AP3S1: variants seen among roughly 807,000 people sequenced by gnomAD.
AP3S1 encodes the protein AP-3 complex subunit sigma-1.
AP3S1 carries 12 observed loss-of-function variants against 21.3 expected under a neutral mutation model. The ratio of observed to expected loss-of-function variants is 0.56; its 90% CI spans 0.36 to 0.91. The LOEUF (loss-of-function observed/expected upper bound fraction) is 0.91. Ranked by LOEUF, AP3S1 falls within the 40% of genes least tolerant of loss-of-function variation. The pLI is 0.01. For missense variants in AP3S1, 116 were observed against 225.0 expected, an observed-to-expected ratio of 0.52 and a Z score of 3.10; for synonymous variants, 48 against 78.4, an observed-to-expected ratio of 0.61 and a Z score of 2.05.
chr5:115,906,294 G>T (rs1420809823), intron 5 of AP3S1, among the ~76,000 whole-genome samples: 2 of 152,024 alleles, frequency 1.3e-5, no homozygotes, highest in Non-Finnish European at 2.9e-5. Flanking sequence ...ATCAGTCTGG[G>T]TATAATTGAG....
At chr5:115,879,277 G>A (rs1331838582) in intron 3 of AP3S1, among the ~76,000 whole-genome samples, 2 of 152,176 alleles carry the variant, frequency 1.3e-5, no homozygotes, top group African/African-American at 4.8e-5. Flanking sequence ...TCTTGTGCCA[G>A]TTTTCAAAGG....
intron 3 of AP3S1, among the ~76,000 whole-genome samples, chr5:115,880,269 T>C (rs1749155927): frequency 6.6e-6 from 1 of 152,216 alleles, no homozygotes; most frequent in Non-Finnish European, 1.5e-5. Context: ...CTTGCTTCTC[T>C]AGTTCTTTTA....
At chr5:115,850,936 G>A (rs1762396243) in intron 1 of AP3S1, among the ~76,000 whole-genome samples, 1 of 152,180 alleles carries the variant, frequency 6.6e-6, no homozygotes, top group African/African-American at 2.4e-5. Flanking sequence ...TAAGTTGTCT[G>A]TCAGGAATTC....
At position 115,881,064 on chromosome 5, in the gene AP3S1, C is replaced by T. The variant is rs1055776550; in HGVS notation, c.273+10936C>T. On this transcript the variant is annotated intron_variant, in intron 3 of 5. Transcript: ENST00000316788. ...TTCCATTTTCTTGGTAAATATTCCT[C>T]CATACCATTATTTTGAGCCTGTGTG... 5.9e-5 allele frequency among the ~76,000 whole-genome samples: 9 copies of T among 152,078 alleles called. No homozygotes were observed. The East Asian group carries it at 1.7e-3, about 29-fold the overall frequency.
At chr5:115,885,761 T>G (rs149045236) in intron 3 of AP3S1, among the ~76,000 whole-genome samples, 2 of 152,240 alleles carry the variant, frequency 1.3e-5, no homozygotes, top group Non-Finnish European at 2.9e-5. Context: ...TGAATACTTT[T>G]GTTAATTTAT....
intron 1 of AP3S1, among the ~76,000 whole-genome samples, chr5:115,863,571 A>G (rs1763363778): frequency 6.6e-6 from 1 of 151,886 alleles, no homozygotes; most frequent in African/African-American, 2.4e-5. Flanking sequence ...ACTCCATCTC[A>G]AAAAAAAGAA....
At chr5:115,896,022 G>A (rs1378239891) in intron 4 of AP3S1, among the ~76,000 whole-genome samples, 5 of 152,086 alleles carry the variant, frequency 3.3e-5, no homozygotes, top group Non-Finnish European at 1.5e-5. Flanking sequence ...TATTAGGTTT[G>A]TATAATCTAA....
chr5:115,881,096 T>C (rs1749241466), intron 3 of AP3S1, among the ~76,000 whole-genome samples: 1 of 152,218 alleles, frequency 6.6e-6, no homozygotes, highest in African/African-American at 2.4e-5. Flanking sequence ...TGTGTGTCTT[T>C]GCACGTGAAG....
intron 5 of AP3S1, chr5:115,903,709 A>C (rs999585275): frequency 2.0e-5 from 3 of 152,184 alleles, no homozygotes; most frequent in African/African-American, 7.2e-5. Flanking sequence ...ATAAAACCCT[A>C]CTTCAGAATT....
rs1191136002 is a variant in AP3S1 at position 115,890,564 on chromosome 5, G to A, written c.274-4523G>A. 2.0e-5 allele frequency among the ~76,000 whole-genome samples: 3 copies of A among 152,198 alleles called. No individual in the cohort carries two copies. In the East Asian group the frequency reaches 5.8e-4, roughly 29 times the overall value. Reference sequence around the variant, plus strand: ...CTGGTAATGTTAAAACATGATTTGAGTGTTGATTATACAGAAAAATTTATG... The same window carrying A: ...CTGGTAATGTTAAAACATGATTTGAATGTTGATTATACAGAAAAATTTATG... On this transcript the variant is annotated intron_variant, in intron 3 of 5. Coordinates refer to ENST00000316788, the MANE Select transcript of AP3S1 (RefSeq NM_001284.4).
intron 3 of AP3S1, among the ~76,000 whole-genome samples, chr5:115,886,739 G>C (rs763846171): frequency 1.3e-5 from 2 of 152,136 alleles, no homozygotes; most frequent in African/African-American, 4.8e-5. Context: ...CCAAGTAAAT[G>C]CTAGCTGTTA....
At chr5:115,883,144 G>A (rs929977084) in intron 3 of AP3S1, among the ~76,000 whole-genome samples, 7 of 152,190 alleles carry the variant, frequency 4.6e-5, no homozygotes, top group African/African-American at 9.7e-5. Flanking sequence ...GCTCCATGGC[G>A]GTGGGATCCA....
intron 4 of AP3S1, 36 bp downstream of exon 4, chr5:115,895,194 A>C: frequency 7.1e-7 from 1 of 1,403,470 alleles, no homozygotes; most frequent in South Asian, 1.4e-5. Flanking sequence ...GCTTTTTAAG[A>C]AAAACATTAA....
chr5:115,870,240 T>A, intron 3 of AP3S1, 112 bp downstream of exon 3: 1 of 638,348 alleles, frequency 1.6e-6, no homozygotes, highest in Non-Finnish European at 2.6e-6. Flanking sequence ...ATAAAGCATT[T>A]CATAATAGAT....
intron 1 of AP3S1, among the ~76,000 whole-genome samples, chr5:115,844,087 G>A (rs939074241): frequency 2.0e-5 from 3 of 152,182 alleles, no homozygotes; most frequent in Non-Finnish European, 2.9e-5. Context: ...GGGTTTTGCC[G>A]AGTGTTTTTT....
At chr5:115,851,020 T>G (rs1274223390) in intron 1 of AP3S1, among the ~76,000 whole-genome samples, 6 of 152,198 alleles carry the variant, frequency 3.9e-5, no homozygotes, top group African/African-American at 1.4e-4. Flanking sequence ...GTTTATAGTG[T>G]GTGGTGCAGC....
chr5:115,859,128 C>T (rs1018257626), intron 1 of AP3S1, among the ~76,000 whole-genome samples: 1 of 152,114 alleles, frequency 6.6e-6, no homozygotes, highest in African/African-American at 2.4e-5. Context: ...TGATTGGAAG[C>T]TCTCAATCCA....
intron 3 of AP3S1, among the ~76,000 whole-genome samples, chr5:115,881,371 G>C (rs1419101452): frequency 6.6e-6 from 1 of 152,138 alleles, no homozygotes; most frequent in East Asian, 1.9e-4. Flanking sequence ...GCTTCCTTCA[G>C]GAGCTCTTGT....
At chr5:115,858,677 T>G (rs1396578464) in intron 1 of AP3S1, among the ~76,000 whole-genome samples, 1 of 151,766 alleles carries the variant, frequency 6.6e-6, no homozygotes, top group African/African-American at 2.4e-5. Context: ...TTTGTGCCCT[T>G]TGGGTCAATT....
Sources: gnomAD v4.1 joint callset for allele counts (sites outside exome capture counted in the v4.1 genomes callset) on GRCh38, gnomAD v4.1.1 for gene constraint, MANE v1.5 for transcripts, NCBI Gene and HGNC (gene_info 2026-07-23, HGNC 2026-07-21) for gene names.